The following VPS13B variants were observed in gnomAD, a reference collection of about 807,000 sequenced individuals.
VPS13B encodes vacuolar protein sorting 13 homolog B, also known as intermembrane lipid transfer protein VPS13B.
A neutral mutation model predicts 426.4 loss-of-function variants in VPS13B; 285 were observed. The observed-to-expected ratio is 0.67, with a 90% CI of 0.61 to 0.74. VPS13B has a LOEUF of 0.74. Among genes scored for constraint, VPS13B ranks in the 30% least tolerant of loss-of-function variants. The probability of loss-of-function intolerance (pLI) is 0.00; values close to 1 mark genes in which losing one functional copy is unlikely to be tolerated. For synonymous variants in VPS13B, 1,676 were observed against 1,676.4 expected (o/e 1.00, Z 0.01); for missense variants, 4,537 against 4,782.6 (o/e 0.95, Z 1.51).
intron 43 of VPS13B, among the ~76,000 whole-genome samples, chr8:99,801,006 T>A (rs1331632443): frequency 6.6e-6 from 1 of 152,180 alleles, no homozygotes; most frequent in East Asian, 1.9e-4. Flanking sequence ...CTATGAAGAA[T>A]ATAGATATAA....
At chr8:99,799,540 C>G (rs1054592739) in intron 43 of VPS13B, among the ~76,000 whole-genome samples, 2 of 152,148 alleles carry the variant, frequency 1.3e-5, no homozygotes, top group African/African-American at 4.8e-5. Context: ...CTTAGTACAG[C>G]AAGGCAGTTT....
intron 35 of VPS13B, chr8:99,697,530 T>G (rs1832080765): frequency 1.4e-6 from 1 of 729,936 alleles, no homozygotes; most frequent in Admixed American, 1.9e-5. Context: ...GAGCTGGAGC[T>G]GCTGAAGGAG....
intron 23 of VPS13B, among the ~76,000 whole-genome samples, chr8:99,444,695 C>A (rs1237046187): frequency 6.6e-6 from 1 of 151,622 alleles, no homozygotes. Context: ...TTTTTTGGAT[C>A]AGGTTTCATT....
rs956611198 is a variant in VPS13B, at chr8:99,421,628, T to C, written c.3083-9909T>C. On this transcript the variant is annotated intron_variant, in intron 21 of 61. Transcript: ENST00000357162. ...CAGTTTCCCTATCTAAAAATGGTGA[T>C]AATAAGAGTCTGAAAATAGTATATT... 7.2e-5 allele frequency among the ~76,000 whole-genome samples: 11 copies of C among 152,226 alleles called. No homozygotes were observed. The East Asian group carries it at 2.1e-3, about 29-fold the overall frequency.
chr8:99,347,854 C>G (rs1194623724), intron 19 of VPS13B: 1 of 152,266 alleles, frequency 6.6e-6, no homozygotes, highest in Non-Finnish European at 1.5e-5. Context: ...TAAAAGCCCA[C>G]ACTGTAGTTC....
At chr8:99,852,339 C>T (rs980196578) in intron 55 of VPS13B, among the ~76,000 whole-genome samples, 1 of 152,166 alleles carries the variant, frequency 6.6e-6, no homozygotes, top group African/African-American at 2.4e-5. Flanking sequence ...TGGAAGCCAT[C>T]AACATATAGA....
chr8:99,575,903 G>A, intron 32 of VPS13B, 119 bp downstream of exon 32: 1 of 996,382 alleles, frequency 1.0e-6, no homozygotes, highest in South Asian at 1.4e-5. Flanking sequence ...AATAATAATG[G>A]CTACTATCAT....
intron 16 of VPS13B, among the ~76,000 whole-genome samples, chr8:99,175,436 T>G (rs1812576524): frequency 6.6e-6 from 1 of 152,186 alleles, no homozygotes; most frequent in Admixed American, 6.5e-5. Context: ...TTATGTGGAT[T>G]TTGTCTATTT....
At chr8:99,572,388 G>A (rs1263486988) in intron 31 of VPS13B, among the ~76,000 whole-genome samples, 1 of 152,074 alleles carries the variant, frequency 6.6e-6, no homozygotes, top group Non-Finnish European at 1.5e-5. Context: ...GTATACATGT[G>A]CCATGTTGGT....
intron 24 of VPS13B, among the ~76,000 whole-genome samples, chr8:99,474,736 C>T (rs531432525): frequency 3.2e-4 from 48 of 152,182 alleles, no homozygotes; most frequent in African/African-American, 1.1e-3. Context: ...CATCATACAC[C>T]GCTTGTGAGA....
intron 31 of VPS13B, among the ~76,000 whole-genome samples, chr8:99,560,677 A>G (rs899707992): frequency 6.6e-6 from 1 of 152,210 alleles, no homozygotes; most frequent in Non-Finnish European, 1.5e-5. Context: ...TCAGCATGCA[A>G]CTTGCATGGC....
chr8:99,223,211 A>G (rs1220042677), intron 17 of VPS13B, among the ~76,000 whole-genome samples: 1 of 152,218 alleles, frequency 6.6e-6, no homozygotes, highest in African/African-American at 2.4e-5. Context: ...GGAAAAATAT[A>G]TCCCACATAT....
intron 54 of VPS13B, among the ~76,000 whole-genome samples, chr8:99,838,287 CTT>C (rs1296632341): frequency 1.3e-5 from 2 of 152,136 alleles, no homozygotes; most frequent in African/African-American, 4.8e-5. Context: ...CAAAAACAGT[CTT>C]TAGGTGCTCA....
chr8:99,249,874 G>A (rs1359410956), intron 17 of VPS13B, among the ~76,000 whole-genome samples: 1 of 151,746 alleles, frequency 6.6e-6, no homozygotes, highest in Non-Finnish European at 1.5e-5. Context: ...TTCGCACTGC[G>A]TTTTAGCCTG....
At position 99,817,912 on chromosome 8, in the gene VPS13B, A is replaced by C. The variant is rs1814139742; in HGVS notation, c.8361+109A>C. 4 of 1,539,982 alleles carry C rather than the reference A, an allele frequency of 2.6e-6. No homozygotes were observed. The East Asian group carries it at 9.5e-5, about 37-fold the overall frequency. On this transcript the variant is annotated intron_variant, in intron 45 of 61. Coordinates refer to ENST00000357162, the MANE Select transcript of VPS13B (RefSeq NM_152564.5). ...TTTATTAAAAAGTGACATATAAAAA[A>C]GGGGAGTGAAAGGCTTTGAATAGTA...
At chr8:99,350,314 C>A (rs994329748) in intron 19 of VPS13B, among the ~76,000 whole-genome samples, 1 of 152,080 alleles carries the variant, frequency 6.6e-6, no homozygotes, top group Non-Finnish European at 1.5e-5. Flanking sequence ...ATCTTTAAAG[C>A]AATGGTAAGC....
Position 99,111,249 on chromosome 8 carries a change from C to T in VPS13B, c.732C>T (p.Asn244=), listed in dbSNP as rs774354165. The T allele has an allele frequency of 3.1e-6, 5 of 1,603,220 alleles. No individual in the cohort carries two copies. The highest frequency in any genetic ancestry group is 3.4e-5 in the Admixed American group (2 of 58,976). Residue 244 remains asparagine (N), a synonymous_variant, in exon 6 of 62, where the codon AAC becomes AAT. Transcript: ENST00000357162. ...FRTRLHFTYE[N]LNSKMPSVIK... ...CTCGTCTTCATTTTACATATGAAAACCTAAATTCCAAGATGCCATCTGTTA... is the reference window on the plus strand; with the variant it reads ...CTCGTCTTCATTTTACATATGAAAATCTAAATTCCAAGATGCCATCTGTTA...
At chr8:99,519,786 C>T (rs1822273030) in intron 29 of VPS13B, among the ~76,000 whole-genome samples, 1 of 129,514 alleles carries the variant, frequency 7.7e-6, no homozygotes, top group African/African-American at 3.0e-5. Context: ...GAACATCATA[C>T]ACCGGGGCCT....
At chr8:99,213,398 T>A (rs1163451037) in intron 17 of VPS13B, among the ~76,000 whole-genome samples, 1 of 152,162 alleles carries the variant, frequency 6.6e-6, no homozygotes, top group African/African-American at 2.4e-5. Context: ...GATAGTCCTC[T>A]GACAAAAATT....
Sources: allele counts gnomAD v4.1 joint callset (sites outside exome capture counted in the v4.1 genomes callset), GRCh38; gene constraint gnomAD v4.1.1; transcripts MANE v1.5; gene names NCBI Gene and HGNC (gene_info 2026-07-23, HGNC 2026-07-21).